The following TDRKH variants were observed in gnomAD, a reference collection of about 807,000 sequenced individuals.
TDRKH encodes the protein tudor and KH domain-containing protein.
In TDRKH, 28 loss-of-function variants were observed where a neutral mutation model predicts 61.3. The observed-to-expected ratio is 0.46, with a 90% CI of 0.34 to 0.63. TDRKH has a LOEUF of 0.63. TDRKH is among the 20% of genes least tolerant of loss of function. The probability of loss-of-function intolerance (pLI) is 0.01; values close to 1 mark genes in which losing one functional copy is unlikely to be tolerated. For synonymous variants in TDRKH, 219 were observed against 244.4 expected (o/e 0.90, Z 0.97); for missense variants, 540 against 683.4 (o/e 0.79, Z 2.34).
At chr1:151,782,778 C>G (rs1442715460) in intron 2 of TDRKH, 121 bp downstream of exon 2, 2 of 1,352,420 alleles carry the variant, frequency 1.5e-6, no homozygotes, top group Non-Finnish European at 1.9e-6. Context: ...TCAAAAAAAC[C>G]CCACAAAAAA....
At chr1:151,788,059 G>A (rs1446068518) in intron 1 of TDRKH, among the ~76,000 whole-genome samples, 4 of 152,090 alleles carry the variant, frequency 2.6e-5, no homozygotes, top group African/African-American at 9.7e-5. Flanking sequence ...TCTTATACAA[G>A]GGACATGAGC....
intron 1 of TDRKH, among the ~76,000 whole-genome samples, chr1:151,784,843 T>C (rs1572009757): frequency 6.6e-6 from 1 of 152,154 alleles, no homozygotes; most frequent in African/African-American, 2.4e-5. Flanking sequence ...TGGATCTCCA[T>C]TTGATGTCTA....
At chr1:151,771,352 G>A (rs75093131), downstream of TDRKH, 9 of 1,486,040 alleles carry the variant, frequency 6.1e-6, no homozygotes, top group African/African-American at 1.4e-5. Context: ...CGGTTTCTTG[G>A]GGGGGTGGGT....
At chr1:151,780,797 C>A (rs1571998720) in intron 3 of TDRKH, among the ~76,000 whole-genome samples, 1 of 149,860 alleles carries the variant, frequency 6.7e-6, no homozygotes, top group Non-Finnish European at 1.5e-5. Context: ...TTGCAGTGAG[C>A]CAAGATCATG....
rs1450050276 is a variant in TDRKH, at chr1:151,774,726, G to C, written c.1617C>G (p.Ser539=). ...KSSGEITHTL[S]CLSLSEAASM... is the part of the protein sequence containing the mutation. ...TGCTTGTACCTGATAAGCTGAGGCA[G>C]GACAGGGTATGTGTTATCTCTCCAG... Residue 539 remains serine (S), a synonymous_variant, in exon 12 of 13, where the codon TCC becomes TCG. Coordinates refer to ENST00000368824, the MANE Select transcript of TDRKH (RefSeq NM_001083965.2). 6.2e-7 allele frequency: 1 copy of C among 1,614,176 alleles called. No homozygotes were observed. Among genetic ancestry groups the C allele is most frequent in the East Asian group, 2.2e-5 (1 of 44,890 alleles).
chr1:151,781,807 A>G (rs1649846546), intron 2 of TDRKH: 1 of 526,836 alleles, frequency 1.9e-6, no homozygotes, highest in Admixed American at 3.3e-5. Context: ...TTCAGATGCT[A>G]AAATGGGAAA....
downstream of TDRKH, among the ~76,000 whole-genome samples, chr1:151,770,909 G>A (rs536678100): frequency 6.6e-6 from 1 of 152,354 alleles, no homozygotes; most frequent in East Asian, 1.9e-4. Flanking sequence ...CACAGAACAA[G>A]TGTTAAAACC....
intron 7 of TDRKH, 49 bp from the exon 8 acceptor site, chr1:151,776,317 T>C: frequency 6.2e-7 from 1 of 1,600,356 alleles, no homozygotes; most frequent in Non-Finnish European, 8.5e-7. Context: ...AGTGGTAGGC[T>C]CATAAACAGA....
chr1:151,775,341 G>A (rs774749692), intron 10 of TDRKH, 51 bp downstream of exon 10: 16 of 1,579,312 alleles, frequency 1.0e-5, no homozygotes, highest in Non-Finnish European at 1.7e-6. Flanking sequence ...AGTAAATTAG[G>A]CTATAAATAT....
At chr1:151,767,889 G>A (rs995398229), downstream of TDRKH, 2 of 827,500 alleles carry the variant, frequency 2.4e-6, no homozygotes, top group Non-Finnish European at 3.7e-6. Flanking sequence ...TCCACAATAG[G>A]CATAGGCTAT....
At chr1:151,768,259 G>T, downstream of TDRKH, 2 of 1,594,472 alleles carry the variant, frequency 1.3e-6, no homozygotes, top group Non-Finnish European at 1.7e-6. Context: ...TGGGAGAATG[G>T]GGAGGGAATA....
intron 4 of TDRKH, 152 bp from the exon 5 acceptor site, chr1:151,779,394 A>G: frequency 9.2e-7 from 1 of 1,089,300 alleles, no homozygotes; most frequent in Non-Finnish European, 1.3e-6. Flanking sequence ...ATCAGGAGCT[A>G]CTGAAATCAT....
downstream of TDRKH, chr1:151,766,850 C>A: frequency 1.9e-6 from 3 of 1,612,584 alleles, no homozygotes; most frequent in Non-Finnish European, 2.5e-6. Context: ...AGTACCGGAT[C>A]ACTCTCCGGG....
downstream of TDRKH, among the ~76,000 whole-genome samples, chr1:151,767,759 T>G (rs1448469525): frequency 6.6e-6 from 1 of 152,230 alleles, no homozygotes; most frequent in Non-Finnish European, 1.5e-5. Context: ...AAAGCTTTGT[T>G]TAAATCCTAA....
chr1:151,771,344 G>A, downstream of TDRKH: 1 of 1,490,380 alleles, frequency 6.7e-7, no homozygotes, highest in Non-Finnish European at 8.9e-7. Context: ...AGTGTTCACG[G>A]TTTCTTGGGG....
downstream of TDRKH, chr1:151,770,507 A>C: frequency 2.2e-6 from 1 of 445,876 alleles, no homozygotes; most frequent in East Asian, 5.0e-5. Context: ...ATTACACAGA[A>C]TCCATTCAAG....
In TDRKH at chr1:151,775,814, ATTTAC is replaced by A. The variant is rs1218712284; in HGVS notation, c.1282+1_1282+5del. 1 of 1,613,126 alleles carries A rather than the reference ATTTAC, an allele frequency of 6.2e-7. No individual in the cohort carries two copies. Among genetic ancestry groups the A allele is most frequent in the Non-Finnish European group, 8.5e-7 (1 of 1,179,152 alleles). On this transcript the variant is annotated splice_donor_variant and splice_donor_5th_base_variant and intron_variant, in intron 9 of 12. Coordinates refer to ENST00000368824, the MANE Select transcript of TDRKH (RefSeq NM_001083965.2). LOFTEE classifies it high-confidence loss of function. ...GTAAGCTCAATAGATGGCATGACCA[ATTTAC>A]CTGAGGGAGCAATCCGTGCCAGACT...
At chr1:151,786,479 A>G (rs1645835443) in intron 1 of TDRKH, among the ~76,000 whole-genome samples, 1 of 152,160 alleles carries the variant, frequency 6.6e-6, no homozygotes, top group African/African-American at 2.4e-5. Context: ...AAACTTAAGA[A>G]TTGTTTACGT....
chr1:151,769,625 AGACG>A (rs1648559047), downstream of TDRKH: 2 of 234,082 alleles, frequency 8.5e-6, no homozygotes, highest in Admixed American at 5.2e-5. Flanking sequence ...CTCACATCCC[AGACG>A]ATGGGCGGCC....
Sources: allele counts gnomAD v4.1 joint callset (sites outside exome capture counted in the v4.1 genomes callset), GRCh38; gene constraint gnomAD v4.1.1; transcripts MANE v1.5; gene names NCBI Gene and HGNC (gene_info 2026-07-23, HGNC 2026-07-21).